BMPER: variants seen among roughly 807,000 people sequenced by gnomAD.
BMPER encodes the protein BMP binding endothelial regulator, also known as BMP-binding endothelial regulator protein.
Under a neutral mutation model 87.3 loss-of-function variants are expected in BMPER, and 45 were observed. The observed-to-expected ratio is 0.52, with a 90% confidence interval of 0.41 to 0.66. The LOEUF is 0.66. BMPER is among the 30% of genes least tolerant of loss of function. The pLI is 0.00. For synonymous variants in BMPER, 326 were observed against 316.2 expected (o/e 1.03, Z -0.33); for missense variants, 784 against 867.5 (o/e 0.90, Z 1.21).
intron 13 of BMPER, among the ~76,000 whole-genome samples, chr7:34,127,758 C>T (rs1365641615): frequency 6.6e-6 from 1 of 152,126 alleles, no homozygotes; most frequent in Non-Finnish European, 1.5e-5. Flanking sequence ...AGGCTCTATA[C>T]ATTCTCCTAT....
At chr7:33,941,557 G>A (rs1375064896) in intron 3 of BMPER, among the ~76,000 whole-genome samples, 1 of 152,104 alleles carries the variant, frequency 6.6e-6, no homozygotes, top group Non-Finnish European at 1.5e-5. Flanking sequence ...CCCATCTAGG[G>A]TTGATGGGAG....
Position 34,119,429 on chromosome 7 carries a change from A to G in BMPER, c.1746-23801A>G, listed in dbSNP as rs1467598633. Among the ~76,000 whole-genome samples, 4 of 152,210 alleles carry G rather than the reference A, an allele frequency of 2.6e-5. No homozygotes were observed. The East Asian group carries it at 7.7e-4, about 29-fold the overall frequency. ...TCATTAAACATTTTCTTGTTATACT[A>G]CATAAGCTTCAAAAATACTTCTAGT... is the stretch of plus-strand genomic sequence containing the variant. On this transcript the variant is annotated intron_variant, in intron 13 of 14. Coordinates refer to ENST00000649409, the MANE Select transcript of BMPER (RefSeq NM_001365308.1).
chr7:33,924,246 A>G (rs971664903), intron 2 of BMPER, among the ~76,000 whole-genome samples: 2 of 152,220 alleles, frequency 1.3e-5, no homozygotes, highest in African/African-American at 4.8e-5. Flanking sequence ...AGTCTTGAAA[A>G]TAAGTTGGAT....
chr7:34,015,059 T>G (rs965233171), intron 6 of BMPER, among the ~76,000 whole-genome samples: 17 of 152,102 alleles, frequency 1.1e-4, no homozygotes, highest in African/African-American at 4.1e-4. Flanking sequence ...TTCATGCTTC[T>G]TATGTCATGA....
intron 3 of BMPER, among the ~76,000 whole-genome samples, chr7:33,956,512 T>A (rs538357125): frequency 1.2e-4 from 18 of 152,118 alleles, no homozygotes; most frequent in Non-Finnish European, 1.8e-4. Context: ...CACATGCAGA[T>A]CTTTTTCAAT....
At chr7:34,081,074 A>G (rs1292271260) in intron 12 of BMPER, among the ~76,000 whole-genome samples, 1 of 152,158 alleles carries the variant, frequency 6.6e-6, no homozygotes, top group African/African-American at 2.4e-5. Flanking sequence ...AATTTCCTGT[A>G]GCACACGAAT....
intron 14 of BMPER, among the ~76,000 whole-genome samples, chr7:34,145,299 C>T (rs777481039): frequency 1.3e-5 from 2 of 152,108 alleles, no homozygotes; most frequent in Non-Finnish European, 2.9e-5. Context: ...TGAAAAGCAC[C>T]AGAGCCCTTT....
intron 13 of BMPER, among the ~76,000 whole-genome samples, chr7:34,097,860 A>G (rs1789570586): frequency 6.6e-6 from 1 of 152,194 alleles, no homozygotes; most frequent in Non-Finnish European, 1.5e-5. Flanking sequence ...ATTGCTAAAC[A>G]TTAGAGACAA....
At chr7:34,149,894 C>A (rs17169665) in intron 14 of BMPER, among the ~76,000 whole-genome samples, 113,312 of 151,970 alleles carry the variant, frequency 0.75, 42,941 homozygotes, top group East Asian at 0.91. Flanking sequence ...AAATTCTTCC[C>A]CAAAGTCTGG....
At chr7:34,083,587 C>G (rs1363230037) in intron 12 of BMPER, among the ~76,000 whole-genome samples, 1 of 152,140 alleles carries the variant, frequency 6.6e-6, no homozygotes, top group Non-Finnish European at 1.5e-5. Flanking sequence ...ACCAGTATCT[C>G]TCTTTGAAGT....
At chr7:34,012,788 A>G (rs557316573) in intron 6 of BMPER, among the ~76,000 whole-genome samples, 1 of 152,156 alleles carries the variant, frequency 6.6e-6, no homozygotes, top group Admixed American at 6.5e-5. Flanking sequence ...AGACTCATGA[A>G]GGAAAATCAA....
chr7:33,991,503 C>A (rs1562674280), intron 6 of BMPER, among the ~76,000 whole-genome samples: 1 of 152,110 alleles, frequency 6.6e-6, no homozygotes, highest in Non-Finnish European at 1.5e-5. Context: ...TGATTCTTCT[C>A]TCTTTTTTTC....
chr7:33,993,350 C>T (rs1317442576), intron 6 of BMPER, among the ~76,000 whole-genome samples: 157 of 151,490 alleles, frequency 1.0e-3, no homozygotes, highest in African/African-American at 3.3e-3. Flanking sequence ...CTTCCCTTCT[C>T]GCTTCATTTC....
intron 10 of BMPER, 51 bp from the exon 11 acceptor site, chr7:34,061,951 T>G (rs1166482387): frequency 6.1e-6 from 4 of 652,306 alleles, no homozygotes; most frequent in Non-Finnish European, 8.3e-6. Context: ...GGAGACCCTG[T>G]TTTTTTTTTT....
intron 6 of BMPER, among the ~76,000 whole-genome samples, chr7:34,036,418 C>T (rs1391406154): frequency 6.6e-6 from 1 of 152,088 alleles, no homozygotes; most frequent in Non-Finnish European, 1.5e-5. Context: ...ATTTATTGAT[C>T]GTTTCAGAGA....
intron 13 of BMPER, among the ~76,000 whole-genome samples, chr7:34,112,584 G>A (rs935424837): frequency 6.7e-6 from 1 of 148,954 alleles, no homozygotes; most frequent in African/African-American, 2.5e-5. Context: ...TGAGGTATAC[G>A]TGCATATGTA....
intron 6 of BMPER, among the ~76,000 whole-genome samples, chr7:33,993,509 A>AT: frequency 6.6e-6 from 1 of 151,844 alleles, no homozygotes; most frequent in South Asian, 2.1e-4. Flanking sequence ...TATTCTAGTT[A>AT]TACATTCTTC....
At chr7:34,136,066 T>C (rs1012026440) in intron 13 of BMPER, among the ~76,000 whole-genome samples, 2 of 152,202 alleles carry the variant, frequency 1.3e-5, no homozygotes, top group African/African-American at 4.8e-5. Flanking sequence ...CCATAGAACC[T>C]GGAATATTCT....
intron 13 of BMPER, among the ~76,000 whole-genome samples, chr7:34,132,550 T>C (rs930133284): frequency 1.2e-4 from 19 of 152,186 alleles, no homozygotes; most frequent in African/African-American, 4.6e-4. Flanking sequence ...TTGGTGTTTG[T>C]TGAGGGGACT....
Sources: gnomAD v4.1 joint callset for allele counts (sites outside exome capture counted in the v4.1 genomes callset) on GRCh38, gnomAD v4.1.1 for gene constraint, MANE v1.5 for transcripts, NCBI Gene and HGNC (gene_info 2026-07-23, HGNC 2026-07-21) for gene names.